The following C10orf143 variants were observed in gnomAD, a reference collection of about 807,000 sequenced individuals.
C10orf143 encodes the protein chromosome 10 open reading frame 143, also known as uncharacterized protein C10orf143.
At position 130,082,194 on chromosome 10, in the gene C10orf143, T is replaced by A. The variant is rs546908294; in HGVS notation, c.70-2293A>T. ...ACATATATGATCTTCTTTTTTTTTT[T>A]AGAGATGAGGTCTCACTATGTTGAC... On this transcript the variant is annotated intron_variant, in intron 1 of 3. Transcript: ENST00000637128. Among the ~76,000 whole-genome samples the A allele has an allele frequency of 1.5e-3, 225 of 152,112 alleles. 1 individual carries two copies. Among genetic ancestry groups the A allele is most frequent in the Middle Eastern group, 6.8e-3 (2 of 294 alleles).
At position 130,039,082 on chromosome 10, in the gene C10orf143, G is replaced by A. The variant is rs201627579; in HGVS notation, c.298-3112C>T. 1.3e-4 allele frequency among the ~76,000 whole-genome samples: 20 copies of A among 152,272 alleles called. No homozygotes were observed. In the East Asian group the frequency reaches 3.9e-3, roughly 29 times the overall value. ...CAGGACAGTTGGTCCCCCAGCAGCT[G>A]GGAACAGTGACACTAGTCCAGCCAG... On this transcript the variant is annotated intron_variant and NMD_transcript_variant, in intron 3 of 5. Transcript: ENST00000643056.
chr10:130,042,997 G>C (rs559456453), intron 3 of C10orf143, among the ~76,000 whole-genome samples: 1 of 152,192 alleles, frequency 6.6e-6, no homozygotes, highest in African/African-American at 2.4e-5. Flanking sequence ...GAAAAAACTC[G>C]GAGACAGTGC....
At chr10:130,040,329 T>C (rs1860591877) in intron 3 of C10orf143, among the ~76,000 whole-genome samples, 1 of 152,174 alleles carries the variant, frequency 6.6e-6, no homozygotes, top group South Asian at 2.1e-4. Flanking sequence ...AGCAGTCTGA[T>C]CCCTAGCCTG....
intron 1 of C10orf143, among the ~76,000 whole-genome samples, chr10:130,085,251 G>T (rs1002669239): frequency 1.3e-5 from 2 of 152,150 alleles, no homozygotes; most frequent in East Asian, 3.9e-4. Flanking sequence ...CCCAAGATTC[G>T]TATTAATTGT....
At chr10:130,076,962 T>C (rs1327719740) in intron 3 of C10orf143, among the ~76,000 whole-genome samples, 1 of 152,100 alleles carries the variant, frequency 6.6e-6, no homozygotes, top group African/African-American at 2.4e-5. Flanking sequence ...GCGGACGCCC[T>C]GATGCTGCAA....
At chr10:130,091,980 G>A (rs1298727283) in intron 1 of C10orf143, among the ~76,000 whole-genome samples, 1 of 152,134 alleles carries the variant, frequency 6.6e-6, no homozygotes, top group African/African-American at 2.4e-5. Flanking sequence ...GAACCAACTT[G>A]GAAACCCTCT....
At chr10:130,062,070 T>A (rs185904663), downstream of C10orf143, among the ~76,000 whole-genome samples, 2 of 152,324 alleles carry the variant, frequency 1.3e-5, no homozygotes, top group East Asian at 3.9e-4. Context: ...AGGATGGGAC[T>A]GAGGTGTGGA....
intron 3 of C10orf143, among the ~76,000 whole-genome samples, chr10:130,043,092 T>C (rs1860626555): frequency 2.0e-5 from 3 of 152,156 alleles, no homozygotes; most frequent in Admixed American, 2.0e-4. Context: ...TTGAGTATGT[T>C]TGAATTTTCC....
At position 130,075,144 on chromosome 10, in the gene C10orf143, C is replaced by T. The variant is rs184645290; in HGVS notation, c.297+4422G>A. Among the ~76,000 whole-genome samples the T allele has an allele frequency of 1.4e-3, 212 of 152,106 alleles. 4 individuals are homozygous for T. Among genetic ancestry groups the T allele is most frequent in the Admixed American group, 1.2e-3 (18 of 15,270 alleles). ...TGACAATGCTGGTATCCAGAATCAA[C>T]GTGGGGAGCGGAGACTCCATGGCAC... On this transcript the variant is annotated intron_variant, in intron 3 of 3. Coordinates refer to ENST00000637128, the MANE Select transcript of C10orf143 (RefSeq NM_001355042.2).
chr10:130,097,911 G>A (rs1193685938), intron 1 of C10orf143, among the ~76,000 whole-genome samples: 1 of 152,040 alleles, frequency 6.6e-6, no homozygotes, highest in African/African-American at 2.4e-5. Flanking sequence ...GGTGTGAACA[G>A]AGTGACTACC....
At chr10:130,069,679 T>C (rs1299014833) in intron 3 of C10orf143, among the ~76,000 whole-genome samples, 2 of 152,126 alleles carry the variant, frequency 1.3e-5, no homozygotes, top group African/African-American at 2.4e-5. Context: ...GGCATAATCA[T>C]AGCTCACTGC....
At chr10:130,039,323 C>T (rs568515210) in intron 3 of C10orf143, among the ~76,000 whole-genome samples, 3 of 152,274 alleles carry the variant, frequency 2.0e-5, no homozygotes, top group South Asian at 2.1e-4. Context: ...CGAGGACCAC[C>T]GGTGGTGCTT....
intron 1 of C10orf143, among the ~76,000 whole-genome samples, chr10:130,105,764 A>ACTCCCCAC (rs975513353): frequency 4.0e-5 from 6 of 150,866 alleles, no homozygotes; most frequent in African/African-American, 1.5e-4. Context: ...ACAAAACAAA[A>ACTCCCCAC]CTCCCCACCT....
At chr10:130,061,394 T>C (rs1860856348), downstream of C10orf143, among the ~76,000 whole-genome samples, 1 of 152,250 alleles carries the variant, frequency 6.6e-6, no homozygotes, top group African/African-American at 2.4e-5. Context: ...AGGAAAAACA[T>C]GTCAAATGAT....
Position 130,072,596 on chromosome 10 carries a change from AT to A in C10orf143, c.297+6969del, listed in dbSNP as rs930939561. ...TAGTTCTTTTTAAAAAAACCTTCCA[AT>A]TTTTTTTCAAACTGTCTTCCTTTCT... is the stretch of plus-strand genomic sequence containing the variant. On this transcript the variant is annotated intron_variant, in intron 3 of 3. Coordinates refer to ENST00000637128, the MANE Select transcript of C10orf143 (RefSeq NM_001355042.2). Among the ~76,000 whole-genome samples, 74 of 151,956 alleles carry A rather than the reference AT, an allele frequency of 4.9e-4. No homozygotes were observed. The Middle Eastern group carries it at 0.01, about 21-fold the overall frequency.
chr10:130,080,162 G>C (rs1172640039), intron 1 of C10orf143, among the ~76,000 whole-genome samples: 1 of 152,198 alleles, frequency 6.6e-6, no homozygotes, highest in Non-Finnish European at 1.5e-5. Flanking sequence ...AATTTTGGCT[G>C]AAACTCTTGT....
chr10:130,110,507 A>C (rs937403189), intron 1 of C10orf143, among the ~76,000 whole-genome samples, 197 bp downstream of exon 1: 15 of 152,194 alleles, frequency 9.9e-5, no homozygotes, highest in Admixed American at 5.9e-4. Context: ...AAACCGGGAG[A>C]GCGGCGTCAC....
chr10:130,100,462 G>A (rs557969949), intron 1 of C10orf143, among the ~76,000 whole-genome samples: 12 of 152,172 alleles, frequency 7.9e-5, no homozygotes, highest in Admixed American at 1.3e-4. Context: ...CCTGGGAGGC[G>A]AAGGTTGCAG....
chr10:130,038,871 C>T (rs111814437), intron 3 of C10orf143, among the ~76,000 whole-genome samples: 6 of 152,256 alleles, frequency 3.9e-5, no homozygotes, highest in African/African-American at 9.6e-5. Context: ...GTAGCAAGGC[C>T]GGAGGGAGTG....
Sources: allele counts gnomAD v4.1 joint callset (sites outside exome capture counted in the v4.1 genomes callset), GRCh38; gene constraint gnomAD v4.1.1; transcripts MANE v1.5; gene names NCBI Gene and HGNC (gene_info 2026-07-23, HGNC 2026-07-21).